Variants in PPP1R12B observed in about 807,000 individuals in gnomAD.
PPP1R12B encodes the protein protein phosphatase 1 regulatory subunit 12B, also known as myosin phosphatase target subunit 2.
Under a neutral mutation model 126.1 loss-of-function variants are expected in PPP1R12B, and 76 were observed. That is an observed-to-expected ratio of 0.60 (90% CI 0.50 to 0.73). The LOEUF (loss-of-function observed/expected upper bound fraction) is 0.73, where lower values mean the gene tolerates loss of function less well. PPP1R12B is among the 30% of genes least tolerant of loss of function. The probability of loss-of-function intolerance (pLI) is 0.00; values close to 1 mark genes in which losing one functional copy is unlikely to be tolerated. For missense variants in PPP1R12B, 1,052 were observed against 1,205.1 expected (o/e 0.87, Z 1.88); for synonymous variants, 356 against 434.7 (o/e 0.82, Z 2.25).
chr1:202,453,525 CTTCT>C (rs1673260254), intron 13 of PPP1R12B, among the ~76,000 whole-genome samples: 1 of 151,564 alleles, frequency 6.6e-6, no homozygotes, highest in Admixed American at 6.6e-5. Context: ...GGTATTAATT[CTTCT>C]TTAGGTGTTT....
chr1:202,489,052 A>AAAAT (rs145447888), intron 14 of PPP1R12B, among the ~76,000 whole-genome samples: 2 of 152,164 alleles, frequency 1.3e-5, no homozygotes, highest in Admixed American at 6.5e-5. Context: ...AAAACAAGAC[A>AAAAT]AAGCAAAACA....
intron 18 of PPP1R12B, among the ~76,000 whole-genome samples, chr1:202,511,939 A>G (rs1255415771): frequency 6.6e-6 from 1 of 152,050 alleles, no homozygotes; most frequent in African/African-American, 2.4e-5. Flanking sequence ...GGATATTTCT[A>G]TTAGACATCC....
intron 13 of PPP1R12B, among the ~76,000 whole-genome samples, chr1:202,463,417 A>G (rs1674569966): frequency 6.6e-6 from 1 of 152,182 alleles, no homozygotes. Flanking sequence ...GTTGGATAGT[A>G]AGACACAGGT....
At chr1:202,439,040 T>C in intron 10 of PPP1R12B, 2 of 1,380,470 alleles carry the variant, frequency 1.4e-6, no homozygotes, top group Non-Finnish European at 2.1e-6. Context: ...GTGGGCGGAC[T>C]TCATCCTGGC....
At chr1:202,472,900 A>G (rs557675890) in intron 13 of PPP1R12B, among the ~76,000 whole-genome samples, 1 of 152,278 alleles carries the variant, frequency 6.6e-6, no homozygotes, top group African/African-American at 2.4e-5. Flanking sequence ...CTATTCATTT[A>G]TGTGTTGTCT....
chr1:202,574,000 A>G (rs1688861235), intron 23 of PPP1R12B, among the ~76,000 whole-genome samples: 1 of 152,186 alleles, frequency 6.6e-6, no homozygotes, highest in South Asian at 2.1e-4. Flanking sequence ...GGTCAGAGAC[A>G]GGTTAGCAGT....
At chr1:202,483,519 C>T (rs540355384) in intron 13 of PPP1R12B, among the ~76,000 whole-genome samples, 16 of 152,074 alleles carry the variant, frequency 1.1e-4, no homozygotes, top group South Asian at 4.2e-4. Context: ...GTGGGAACGA[C>T]GGTTACAGAA....
At chr1:202,538,449 A>T (rs569347342) in intron 18 of PPP1R12B, among the ~76,000 whole-genome samples, 1 of 152,356 alleles carries the variant, frequency 6.6e-6, no homozygotes, top group African/African-American at 2.4e-5. Context: ...TTCAACCTAT[A>T]TTCCTCAGAC....
chr1:202,592,507 T>C lies in PPP1R12B; in HGVS notation c.*11947T>C, dbSNP rs1293351050. The C allele has an allele frequency of 6.6e-6, 1 of 152,264 alleles. No individual in the cohort carries two copies. Among genetic ancestry groups the C allele is most frequent in the East Asian group, 1.9e-4 (1 of 5,202 alleles). 9.4% of individuals were successfully genotyped at this position (152,264 alleles called of 1,614,324 possible). A position where few individuals can be genotyped will look rare whatever the true frequency, so the allele number is the denominator to read the frequency against. ...TTGGGGATCAAGGGGACTCTCAGCA[T>C]TGCCATGCGGCTATTTACAGAAAGT... On this transcript the variant is annotated 3_prime_UTR_variant, in exon 24 of 24. Transcript: ENST00000608999.
At chr1:202,478,924 C>T (rs1418675186) in intron 13 of PPP1R12B, among the ~76,000 whole-genome samples, 2 of 152,172 alleles carry the variant, frequency 1.3e-5, no homozygotes, top group Admixed American at 1.3e-4. Context: ...TTTTCTTTCA[C>T]TGTGCCTTCT....
intron 1 of PPP1R12B, among the ~76,000 whole-genome samples, chr1:202,351,100 C>G (rs1033287027): frequency 6.6e-6 from 1 of 152,126 alleles, no homozygotes; most frequent in African/African-American, 2.4e-5. Context: ...GATTTGAGGT[C>G]TGTTGAGAAA....
At chr1:202,492,401 A>G (rs1182879982) in intron 14 of PPP1R12B, among the ~76,000 whole-genome samples, 1 of 152,218 alleles carries the variant, frequency 6.6e-6, no homozygotes, top group Non-Finnish European at 1.5e-5. Flanking sequence ...ACTACCTTCC[A>G]GCTTTGGAAC....
rs1689485337 is a variant in PPP1R12B at position 202,580,455 on chromosome 1, T to C, written c.2863-19T>C. The C allele has an allele frequency of 6.2e-7, 1 of 1,604,232 alleles. No individual in the cohort carries two copies. The highest frequency in any genetic ancestry group is 8.5e-7 in the Non-Finnish European group (1 of 1,171,046). ...ATCCTGCCAGGCTCTAACTCACCTT[T>C]CCCTCTGTCACCCTACAGGTGTTAA... is the stretch of plus-strand genomic sequence containing the variant. On this transcript the variant is annotated intron_variant, in intron 23 of 23. Coordinates refer to ENST00000608999, the MANE Select transcript of PPP1R12B (RefSeq NM_002481.4).
In PPP1R12B at chr1:202,589,508, A is replaced by C. The variant is rs183587082; in HGVS notation, c.*8948A>C. 2.4e-3 allele frequency: 373 copies of C among 152,384 alleles called. 3 individuals are homozygous for C. The highest frequency in any genetic ancestry group is 3.5e-4 in the Non-Finnish European group (24 of 68,098). 9.4% of individuals were successfully genotyped at this position (152,384 alleles called of 1,614,324 possible). ...CCTGGGGCACAAAACAGAGGCAAAG[A>C]AGCATGACCGATGCAAAGGGTTCCT... On this transcript the variant is annotated 3_prime_UTR_variant, in exon 24 of 24. Transcript: ENST00000608999.
chr1:202,570,540 T>C (rs1445022112), intron 23 of PPP1R12B, among the ~76,000 whole-genome samples: 2 of 152,176 alleles, frequency 1.3e-5, no homozygotes, highest in African/African-American at 4.8e-5. Flanking sequence ...CAGCAAGAAA[T>C]AGAAATAATA....
chr1:202,479,139 T>C (rs1427125693), intron 13 of PPP1R12B, among the ~76,000 whole-genome samples: 2 of 152,286 alleles, frequency 1.3e-5, no homozygotes, highest in East Asian at 3.9e-4. Flanking sequence ...AGGCGAGGAA[T>C]ATATTAAGGA....
chr1:202,556,155 C>CA (rs1686912027), intron 18 of PPP1R12B, among the ~76,000 whole-genome samples: 1 of 152,132 alleles, frequency 6.6e-6, no homozygotes, highest in Non-Finnish European at 1.5e-5. Flanking sequence ...GTATTACAGG[C>CA]GTGAACCACT....
intron 11 of PPP1R12B, among the ~76,000 whole-genome samples, chr1:202,441,767 G>T (rs774745817): frequency 6.6e-6 from 1 of 151,558 alleles, no homozygotes. Flanking sequence ...TTTTTTTCTC[G>T]GTAACAGACT....
intron 18 of PPP1R12B, among the ~76,000 whole-genome samples, chr1:202,520,269 TTAG>T (rs1445079032): frequency 1.3e-5 from 2 of 152,216 alleles, no homozygotes; most frequent in Non-Finnish European, 2.9e-5. Context: ...GTACAATGAC[TTAG>T]TGGTAGAAAA....
Sources: gnomAD v4.1 joint callset for allele counts (sites outside exome capture counted in the v4.1 genomes callset) on GRCh38, gnomAD v4.1.1 for gene constraint, MANE v1.5 for transcripts, NCBI Gene and HGNC (gene_info 2026-07-23, HGNC 2026-07-21) for gene names.